The following FLYWCH1 variants were observed in gnomAD, a reference collection of about 807,000 sequenced individuals.
FLYWCH1 encodes the protein FLYWCH-type zinc finger 1.
FLYWCH1 carries 75 observed loss-of-function variants against 66.4 expected under a neutral mutation model. The ratio of observed to expected loss-of-function variants is 1.13; its 90% CI spans 0.94 to 1.37. FLYWCH1 has a LOEUF of 1.37. Among genes scored for constraint, FLYWCH1 ranks in the 40% most tolerant of loss-of-function variants. FLYWCH1 has a pLI of 0.00. For missense variants in FLYWCH1, 1,334 were observed against 1,001.8 expected (o/e 1.33, Z -4.48); for synonymous variants, 595 against 429.9 (o/e 1.38, Z -4.75).
chr16:2,922,357 G>C (rs1471406551), intron 2 of FLYWCH1: 1 of 163,400 alleles, frequency 6.1e-6, no homozygotes, highest in Non-Finnish European at 1.3e-5. Context: ...CCTGAGCCTC[G>C]ATGTTGAAGT....
At chr16:2,912,587 G>A (rs1051785583) in intron 1 of FLYWCH1, among the ~76,000 whole-genome samples, 7 of 152,142 alleles carry the variant, frequency 4.6e-5, no homozygotes, top group Non-Finnish European at 7.3e-5. Flanking sequence ...ACCCACAGCC[G>A]ACACTGAGAA....
intron 9 of FLYWCH1, among the ~76,000 whole-genome samples, chr16:2,941,353 T>C (rs1029442): frequency 0.045 from 6,826 of 152,078 alleles, 235 homozygotes; most frequent in Middle Eastern, 0.089. Flanking sequence ...ATAAAACTTA[T>C]GGGATGCACT....
In FLYWCH1 at chr16:2,933,711, C is replaced by T. The variant is rs116753007; in HGVS notation, c.1250-5C>T. 7.1e-4 allele frequency: 1,151 copies of T among 1,610,900 alleles called. 10 individuals are homozygous for T. In the African/African-American group the frequency reaches 0.014, roughly 19 times the overall value. On this transcript the variant is annotated splice_polypyrimidine_tract_variant and splice_region_variant and intron_variant, in intron 5 of 9. Coordinates refer to ENST00000253928, the MANE Select transcript of FLYWCH1 (RefSeq NM_001308068.2). ...CTCCCCTGACTGCCTCTTGAACCTC[C>T]CCAGGAGGCCCTGAGTTCCTGAAGA...
chr16:2,914,566 G>A (rs1316665621), intron 2 of FLYWCH1, among the ~76,000 whole-genome samples: 1 of 152,136 alleles, frequency 6.6e-6, no homozygotes, highest in African/African-American at 2.4e-5. Context: ...AGCTTTCCAT[G>A]CAAATCTGCC....
At chr16:2,934,812 A>T (rs2070930359) in intron 6 of FLYWCH1, 1 of 340,494 alleles carries the variant, frequency 2.9e-6, no homozygotes, top group East Asian at 8.8e-5. Context: ...TAACTAAGCA[A>T]TTGTTTCTTA....
chr16:2,916,549 A>G (rs1292481012), intron 2 of FLYWCH1, among the ~76,000 whole-genome samples: 1 of 151,668 alleles, frequency 6.6e-6, no homozygotes. Flanking sequence ...AGGCCGGAGA[A>G]TGGCGTGAAC....
chr16:2,933,236 T>C lies in FLYWCH1; in HGVS notation c.903T>C (p.Tyr301=). ...KREKAVGDKV[Y]WTCRDHALHG... is the part of the protein sequence containing the mutation. The stretch of plus-strand genomic sequence containing the variant: ...AGAAGGCTGTCGGGGACAAGGTGTA[T>C]TGGACCTGCCGGGACCACGCGCTGC... Residue 301 remains tyrosine (Y), a synonymous_variant, in exon 5 of 10, where the codon TAT becomes TAC. Transcript: ENST00000253928. 1.9e-6 allele frequency: 3 copies of C among 1,613,358 alleles called. No individual in the cohort carries two copies. The highest frequency in any genetic ancestry group is 2.5e-6 in the Non-Finnish European group (3 of 1,179,776).
chr16:2,928,521 A>G lies in FLYWCH1; in HGVS notation c.-73-1092A>G, dbSNP rs567877409. ...TGCAAACATATTGTTAACAAGGCAC[A>G]TCCTGCACAGCCTTAAATCCATTAA... is the stretch of plus-strand genomic sequence containing the variant. On this transcript the variant is annotated intron_variant, in intron 2 of 9. Transcript: ENST00000253928. 7.2e-4 allele frequency among the ~76,000 whole-genome samples: 110 copies of G among 152,376 alleles called. 2 individuals carry two copies. The South Asian group carries it at 0.022, about 30-fold the overall frequency.
At chr16:2,919,466 A>G (rs978080847) in intron 2 of FLYWCH1, among the ~76,000 whole-genome samples, 1 of 151,624 alleles carries the variant, frequency 6.6e-6, no homozygotes, top group Non-Finnish European at 1.5e-5. Flanking sequence ...GGGTTTCACC[A>G]TGTTTGCCAG....
intron 2 of FLYWCH1, among the ~76,000 whole-genome samples, chr16:2,916,759 T>G (rs1279133733): frequency 6.6e-6 from 1 of 152,096 alleles, no homozygotes; most frequent in South Asian, 2.1e-4. Context: ...TTACCTGTAG[T>G]ACTTAAAATT....
At chr16:2,922,993 G>T (rs1359509128) in intron 2 of FLYWCH1, 1 of 504,098 alleles carries the variant, frequency 2.0e-6, no homozygotes, top group East Asian at 5.4e-5. Context: ...GCCAGAAGGC[G>T]GGTGACGCGC....
chr16:2,929,883 G>C lies in FLYWCH1; in HGVS notation c.198G>C (p.Leu66=). 7.4e-6 allele frequency: 12 copies of C among 1,613,880 alleles called. No individual in the cohort carries two copies. The highest frequency in any genetic ancestry group is 1.0e-5 in the Non-Finnish European group (12 of 1,179,884). The change falls in exon 3 of 10, where the codon CTG becomes CTC. Residue 66 remains leucine (L), a synonymous_variant. Coordinates refer to ENST00000253928, the MANE Select transcript of FLYWCH1 (RefSeq NM_001308068.2). ...GSKPQEVHCV[L]SLEMAGPATL... is the part of the protein sequence containing the mutation. ...AGCCCCAGGAAGTGCACTGCGTCCT[G>C]TCCCTGGAGATGGCTGGCCCCGCCA...
intron 8 of FLYWCH1, among the ~76,000 whole-genome samples, chr16:2,938,814 A>G (rs2150992075): frequency 6.6e-6 from 1 of 151,210 alleles, no homozygotes; most frequent in South Asian, 2.1e-4. Flanking sequence ...GGGTTTCACC[A>G]TGTTAGCCAG....
chr16:2,940,240 G>T, intron 9 of FLYWCH1, 148 bp downstream of exon 9: 1 of 573,484 alleles, frequency 1.7e-6, no homozygotes, highest in Non-Finnish European at 3.2e-6. Context: ...AGGTTGAAGA[G>T]AATTTGTCAG....
At position 2,941,995 on chromosome 16, in the gene FLYWCH1, C is replaced by CAAA. The variant is rs748281347; in HGVS notation, c.2111+1929_2111+1931dup. Among the ~76,000 whole-genome samples the CAAA allele has an allele frequency of 5.4e-4, 18 of 33,600 alleles. 1 individual carries two copies. The highest frequency in any genetic ancestry group is 1.7e-3 in the South Asian group (1 of 574). The allele number at this position is 33,600 out of a possible 152,430, so 22.0% of individuals were successfully genotyped here. A position where few individuals can be genotyped will look rare whatever the true frequency, so the allele number is the denominator to read the frequency against. ...CTGGGCGACAGAGCAAGACTCATCT[C>CAAA]AAAAAAAAAAAAAAAAAAAAAAAAA... On this transcript the variant is annotated intron_variant, in intron 9 of 9. Transcript: ENST00000253928.
chr16:2,913,795 A>G (rs2070070788), intron 1 of FLYWCH1, among the ~76,000 whole-genome samples: 1 of 152,150 alleles, frequency 6.6e-6, no homozygotes, highest in Non-Finnish European at 1.5e-5. Context: ...TGCACCTCCA[A>G]CGCTCATGGT....
At chr16:2,925,574 C>CGGGG (rs1367590910) in intron 2 of FLYWCH1, among the ~76,000 whole-genome samples, 10 of 16,804 alleles carry the variant, frequency 6.0e-4, no homozygotes, top group South Asian at 2.8e-3. Context: ...GGGGGAGTTG[C>CGGGG]GGGGGGAGGG....
At chr16:2,942,765 C>T (rs12926937) in intron 9 of FLYWCH1, among the ~76,000 whole-genome samples, 36,859 of 119,186 alleles carry the variant, frequency 0.31, 5,068 homozygotes, top group Admixed American at 0.39. Context: ...CTCACTCTGT[C>T]GCCCAGGCTG....
At position 2,920,750 on chromosome 16, in the gene FLYWCH1, G is replaced by A. The variant is rs571244042; in HGVS notation, c.-74+6461G>A. Among the ~76,000 whole-genome samples, 7 of 151,214 alleles carry A rather than the reference G, an allele frequency of 4.6e-5. No individual in the cohort carries two copies. The South Asian group carries it at 6.3e-4, about 14-fold the overall frequency. On this transcript the variant is annotated intron_variant, in intron 2 of 9. Transcript: ENST00000253928. ...GAGACGGGGTTTCTCCATGTTGGTC[G>A]GGCTGGTCTCAAACTCCCCACCTCA...
Sources: allele counts gnomAD v4.1 joint callset (sites outside exome capture counted in the v4.1 genomes callset), GRCh38; gene constraint gnomAD v4.1.1; transcripts MANE v1.5; gene names NCBI Gene and HGNC (gene_info 2026-07-23, HGNC 2026-07-21).